USH2A: variants seen among roughly 807,000 people sequenced by gnomAD.
The protein encoded by USH2A is Usher syndrome 2A (autosomal recessive, mild).
In USH2A, 443 loss-of-function variants were observed where a neutral mutation model predicts 538.9. The observed-to-expected ratio is 0.82, with a 90% CI of 0.76 to 0.89. The LOEUF is 0.89. Among genes scored for constraint, USH2A ranks in the 40% least tolerant of loss-of-function variants. The pLI is 0.00. For synonymous variants in USH2A, 2,413 were observed against 2,273.5 expected (o/e 1.06, Z -1.75); for missense variants, 6,633 against 6,324.8 (o/e 1.05, Z -1.65).
chr1:216,418,534 A>G lies in USH2A; in HGVS notation c.631T>C (p.Trp211Arg). ...CTCACCTGCACACTAAGATGAATCC[A>G]TTTCTTCACAAGAATTCTCCCCAGT... ...MTLGRILVKK[W>R]IHLSVQVHQT... The change falls in exon 3 of 72, where the codon TGG (tryptophan) becomes CGG (arginine). Residue 211 changes from tryptophan to arginine, a missense_variant. By Grantham distance (101) the Trp-to-Arg change is moderately radical. Transcript: ENST00000307340. 1.9e-6 allele frequency: 3 copies of G among 1,613,174 alleles called. No homozygotes were observed. The highest frequency in any genetic ancestry group is 2.5e-6 in the Non-Finnish European group (3 of 1,179,484).
chr1:215,748,045 C>T (rs991851057), intron 58 of USH2A, among the ~76,000 whole-genome samples: 2 of 151,984 alleles, frequency 1.3e-5, no homozygotes, highest in Non-Finnish European at 2.9e-5. Flanking sequence ...GCGCCCGCCA[C>T]CGCGCCCGGC....
intron 58 of USH2A, among the ~76,000 whole-genome samples, chr1:215,748,040 C>T (rs1456631029): frequency 2.0e-5 from 3 of 151,846 alleles, no homozygotes; most frequent in South Asian, 2.1e-4. Flanking sequence ...TACAGGCGCC[C>T]GCCACCGCGC....
At chr1:215,761,996 T>A (rs1228812671) in intron 56 of USH2A, among the ~76,000 whole-genome samples, 3 of 152,160 alleles carry the variant, frequency 2.0e-5, no homozygotes, top group African/African-American at 7.2e-5. Flanking sequence ...AAGAACAAAA[T>A]GCAATTTATT....
chr1:215,998,635 C>T (rs1241195254), intron 34 of USH2A, among the ~76,000 whole-genome samples: 1 of 151,852 alleles, frequency 6.6e-6, no homozygotes, highest in South Asian at 2.1e-4. Flanking sequence ...CTTGATAATC[C>T]CAACTTTGAC....
chr1:215,864,409 T>C (rs138393738), intron 44 of USH2A, among the ~76,000 whole-genome samples: 32 of 152,268 alleles, frequency 2.1e-4, no homozygotes, highest in African/African-American at 7.2e-4. Flanking sequence ...TTTGGTGTAT[T>C]TTGTTTAGGG....
intron 27 of USH2A, among the ~76,000 whole-genome samples, chr1:216,077,505 TC>T (rs1431389704): frequency 1.3e-5 from 2 of 151,120 alleles, no homozygotes; most frequent in African/African-American, 2.4e-5. Context: ...ATTTATTTTT[TC>T]ATCTGTAAAT....
chr1:216,415,090 G>GA (rs897593283), intron 3 of USH2A, among the ~76,000 whole-genome samples: 1 of 151,972 alleles, frequency 6.6e-6, no homozygotes, highest in African/African-American at 2.4e-5. Context: ...TGGGAGAAGA[G>GA]AAAAAAAGCA....
chr1:215,780,272 G>T (rs541417563), intron 54 of USH2A, among the ~76,000 whole-genome samples: 1 of 152,106 alleles, frequency 6.6e-6, no homozygotes, highest in East Asian at 1.9e-4. Flanking sequence ...ATCACAACAG[G>T]TTCAACAACA....
chr1:215,941,559 C>T (rs180733189), intron 37 of USH2A, among the ~76,000 whole-genome samples: 3 of 152,184 alleles, frequency 2.0e-5, no homozygotes, highest in Admixed American at 6.6e-5. Context: ...AAGTGGTCTC[C>T]GGCTTCCACA....
chr1:216,107,734 A>T, intron 21 of USH2A, among the ~76,000 whole-genome samples: 2 of 138,482 alleles, frequency 1.4e-5, no homozygotes, highest in South Asian at 2.3e-4. Flanking sequence ...TGCCTTCCCT[A>T]CCTTGTTATG....
At chr1:216,353,127 C>G (rs2038317600) in intron 4 of USH2A, among the ~76,000 whole-genome samples, 1 of 151,854 alleles carries the variant, frequency 6.6e-6, no homozygotes, top group African/African-American at 2.4e-5. Flanking sequence ...GTTATAATAA[C>G]TGGCCATGAA....
At chr1:215,733,236 C>G (rs1360768894) in intron 60 of USH2A, among the ~76,000 whole-genome samples, 1 of 151,868 alleles carries the variant, frequency 6.6e-6, no homozygotes, top group African/African-American at 2.4e-5. Flanking sequence ...GACATTTAAA[C>G]AACCAGATCT....
intron 3 of USH2A, among the ~76,000 whole-genome samples, chr1:216,393,199 T>A (rs1186741048): frequency 6.6e-6 from 1 of 152,204 alleles, no homozygotes; most frequent in Non-Finnish European, 1.5e-5. Flanking sequence ...TGAAGCATAC[T>A]ATGCACTTAT....
chr1:215,757,110 C>T (rs1660836913), intron 58 of USH2A, among the ~76,000 whole-genome samples: 1 of 152,132 alleles, frequency 6.6e-6, no homozygotes, highest in Non-Finnish European at 1.5e-5. Context: ...GATTATAGCA[C>T]TTTGTGATGC....
At chr1:216,341,890 A>G (rs1239429587) in intron 4 of USH2A, among the ~76,000 whole-genome samples, 2 of 152,124 alleles carry the variant, frequency 1.3e-5, no homozygotes, top group African/African-American at 4.8e-5. Flanking sequence ...AATCATTAAA[A>G]CCCTAGAAGA....
intron 4 of USH2A, among the ~76,000 whole-genome samples, chr1:216,347,264 A>G (rs989603462): frequency 2.0e-5 from 3 of 152,156 alleles, no homozygotes; most frequent in African/African-American, 7.2e-5. Flanking sequence ...AAAGAGACAG[A>G]TGGTTTGGAG....
Position 215,671,173 on chromosome 1 carries a change from C to A in USH2A, c.13932G>T (p.Met4644Ile). 1 of 1,614,076 alleles carries A rather than the reference C, an allele frequency of 6.2e-7. No homozygotes were observed. The highest frequency in any genetic ancestry group is 8.5e-7 in the Non-Finnish European group (1 of 1,180,008). ...MQPPPHLEVQ[M>I]APGGFQPTVS... ...CAGTTGGCTGGAATCCTCCTGGAGC[C>A]ATTTGTACCTCCAGATGTGGAGGGG... The change falls in exon 64 of 72, where the codon ATG (methionine) becomes ATT (isoleucine). Residue 4644 changes from methionine to isoleucine, a missense_variant. Transcript: ENST00000307340.
chr1:216,329,426 T>G (rs1383712775), intron 4 of USH2A, among the ~76,000 whole-genome samples: 1 of 152,110 alleles, frequency 6.6e-6, no homozygotes, highest in East Asian at 1.9e-4. Flanking sequence ...AAAGCCATTG[T>G]GTGCCTATGC....
chr1:216,359,420 C>A (rs988189909), intron 4 of USH2A, among the ~76,000 whole-genome samples: 1 of 151,960 alleles, frequency 6.6e-6, no homozygotes, highest in South Asian at 2.1e-4. Flanking sequence ...TATTAAACCA[C>A]CATTTAATAG....
Sources: gnomAD v4.1 joint callset for allele counts (sites outside exome capture counted in the v4.1 genomes callset) on GRCh38, gnomAD v4.1.1 for gene constraint, MANE v1.5 for transcripts, NCBI Gene and HGNC (gene_info 2026-07-23, HGNC 2026-07-21) for gene names.